OPCML: variants seen among roughly 807,000 people sequenced by gnomAD.
OPCML encodes opioid binding protein/cell adhesion molecule like.
Under a neutral mutation model 37.8 loss-of-function variants are expected in OPCML, and 13 were observed. The observed-to-expected ratio is 0.34, with a 90% confidence interval of 0.22 to 0.55. OPCML has a LOEUF of 0.55. OPCML is among the 20% of genes least tolerant of loss of function. OPCML has a pLI of 0.91. For missense variants in OPCML, 341 were observed against 435.6 expected (o/e 0.78, Z 1.93); for synonymous variants, 176 against 168.8 (o/e 1.04, Z -0.33).
At chr11:132,873,545 T>C (rs1432315435) in intron 2 of OPCML, among the ~76,000 whole-genome samples, 1 of 150,924 alleles carries the variant, frequency 6.6e-6, no homozygotes, top group Non-Finnish European at 1.5e-5. Context: ...GCTAGAGAGG[T>C]ATGGTATTGG....
intron 1 of OPCML, among the ~76,000 whole-genome samples, chr11:133,037,815 C>T (rs1591937804): frequency 6.6e-6 from 1 of 152,160 alleles, no homozygotes; most frequent in South Asian, 2.1e-4. Flanking sequence ...AGAAAAAGGG[C>T]CAAGACTTTA....
At chr11:133,277,876 G>A (rs1168959604) in intron 1 of OPCML, among the ~76,000 whole-genome samples, 2 of 152,070 alleles carry the variant, frequency 1.3e-5, no homozygotes, top group Non-Finnish European at 2.9e-5. Flanking sequence ...GTTTTGTAGG[G>A]GAGGAAAATG....
chr11:133,484,063 TAGATAGATAGATA>T (rs1565660013), intron 1 of OPCML, among the ~76,000 whole-genome samples: 26 of 150,994 alleles, frequency 1.7e-4, no homozygotes, highest in African/African-American at 5.6e-4. Flanking sequence ...GATAGATAGA[TAGATAGATAGATA>T]GATAGATTCA....
At chr11:132,486,231 T>C (rs891286874) in intron 4 of OPCML, among the ~76,000 whole-genome samples, 1 of 152,192 alleles carries the variant, frequency 6.6e-6, no homozygotes, top group Non-Finnish European at 1.5e-5. Context: ...GCAGAGGGTT[T>C]CCTCAACCAA....
chr11:132,909,426 G>A (rs964717038), intron 2 of OPCML, among the ~76,000 whole-genome samples: 1 of 152,206 alleles, frequency 6.6e-6, no homozygotes, highest in Non-Finnish European at 1.5e-5. Flanking sequence ...GTGTGAGGCT[G>A]GAATGCTTCT....
rs933130153 is a variant in OPCML, at chr11:133,335,583, A to G, written c.61+196681T>C. On this transcript the variant is annotated intron_variant, in intron 1 of 7. Coordinates refer to ENST00000524381, the MANE Select transcript of OPCML (RefSeq NM_001012393.5). ...CTCAGCCTCCCTAAAATTGTTTTCAATGATGGCCTCTGGACTAGAGGATAA... is the reference window on the plus strand; with the variant it reads ...CTCAGCCTCCCTAAAATTGTTTTCAGTGATGGCCTCTGGACTAGAGGATAA... Among the ~76,000 whole-genome samples the G allele has an allele frequency of 2.0e-5, 3 of 152,154 alleles. No individual in the cohort carries two copies. The South Asian group carries it at 6.2e-4, about 32-fold the overall frequency.
At chr11:133,187,757 T>C (rs116264504) in intron 1 of OPCML, among the ~76,000 whole-genome samples, 1,717 of 152,302 alleles carry the variant, frequency 0.011, 41 homozygotes, top group African/African-American at 0.039. Context: ...GCATATATTG[T>C]GTACAACTTC....
chr11:132,528,455 G>A (rs1305449450), intron 4 of OPCML, among the ~76,000 whole-genome samples: 1 of 152,166 alleles, frequency 6.6e-6, no homozygotes, highest in Admixed American at 6.5e-5. Flanking sequence ...AAGAGGGCAA[G>A]CCCCACTGTC....
At chr11:133,373,793 T>G (rs1436616508) in intron 1 of OPCML, among the ~76,000 whole-genome samples, 1 of 152,202 alleles carries the variant, frequency 6.6e-6, no homozygotes, top group East Asian at 1.9e-4. Context: ...CTGCCTTTTC[T>G]CTTATGTTAT....
chr11:132,708,519 A>C (rs2135941794), intron 2 of OPCML, among the ~76,000 whole-genome samples: 1 of 152,344 alleles, frequency 6.6e-6, no homozygotes, highest in Middle Eastern at 3.4e-3. Context: ...ACTCAGCTAT[A>C]ATCAAAGGGC....
chr11:132,872,368 C>T (rs1942833279), intron 2 of OPCML, among the ~76,000 whole-genome samples: 1 of 152,126 alleles, frequency 6.6e-6, no homozygotes, highest in Admixed American at 6.6e-5. Context: ...GCAGATCTGG[C>T]GTGCTGCCAA....
intron 1 of OPCML, among the ~76,000 whole-genome samples, chr11:133,139,947 G>A (rs910413580): frequency 6.6e-6 from 1 of 152,080 alleles, no homozygotes; most frequent in Admixed American, 6.6e-5. Flanking sequence ...AGCACTTTGG[G>A]AGGCCAAGAT....
At position 132,515,756 on chromosome 11, in the gene OPCML, G is replaced by A. The variant is rs538486581; in HGVS notation, c.505+13305C>T. 9.2e-5 allele frequency among the ~76,000 whole-genome samples: 14 copies of A among 152,254 alleles called. 1 individual carries two copies. The South Asian group carries it at 2.9e-3, about 32-fold the overall frequency. ...TACTACCTTTAAACTGGGGAGGAAT[G>A]ATCTTCTTCACACTACCATCATTTC... On this transcript the variant is annotated intron_variant, in intron 4 of 7. Transcript: ENST00000524381.
At chr11:133,409,586 T>G (rs889825146) in intron 1 of OPCML, among the ~76,000 whole-genome samples, 4 of 152,160 alleles carry the variant, frequency 2.6e-5, no homozygotes, top group African/African-American at 9.7e-5. Context: ...TCCAGAGAGT[T>G]TTCTACCAAC....
intron 1 of OPCML, among the ~76,000 whole-genome samples, chr11:133,337,403 G>A (rs536981173): frequency 1.2e-4 from 18 of 152,320 alleles, no homozygotes; most frequent in Middle Eastern, 3.4e-3. Context: ...CAATCGCCCA[G>A]TTGCCTGGGG....
At chr11:133,370,290 C>T (rs1009833410) in intron 1 of OPCML, among the ~76,000 whole-genome samples, 1 of 152,138 alleles carries the variant, frequency 6.6e-6, no homozygotes, top group Non-Finnish European at 1.5e-5. Context: ...AGAACATTGG[C>T]TTTAAAGCCC....
At chr11:133,467,899 G>T (rs927468083) in intron 1 of OPCML, among the ~76,000 whole-genome samples, 1 of 152,136 alleles carries the variant, frequency 6.6e-6, no homozygotes, top group Non-Finnish European at 1.5e-5. Context: ...TGGCAGCTTT[G>T]TTTATATCAC....
chr11:133,312,862 T>TG (rs1444884756), intron 1 of OPCML, among the ~76,000 whole-genome samples: 3 of 152,122 alleles, frequency 2.0e-5, no homozygotes, highest in African/African-American at 7.2e-5. Context: ...TCCTCAAAGT[T>TG]GGAAAAAAAA....
At chr11:132,976,531 A>G (rs1565377423) in intron 1 of OPCML, among the ~76,000 whole-genome samples, 1 of 152,184 alleles carries the variant, frequency 6.6e-6, no homozygotes, top group Non-Finnish European at 1.5e-5. Context: ...TATAGCCGCA[A>G]CCAGTTCCAA....
Sources: gnomAD v4.1 joint callset for allele counts (sites outside exome capture counted in the v4.1 genomes callset) on GRCh38, gnomAD v4.1.1 for gene constraint, MANE v1.5 for transcripts, NCBI Gene and HGNC (gene_info 2026-07-23, HGNC 2026-07-21) for gene names.